The following TNRC6B variants were observed in gnomAD, a reference collection of about 807,000 sequenced individuals.
The protein encoded by TNRC6B is trinucleotide repeat-containing gene 6B protein.
TNRC6B carries 52 observed loss-of-function variants against 203.6 expected under a neutral mutation model. That is an observed-to-expected ratio of 0.26 (90% CI 0.20 to 0.32). TNRC6B has a LOEUF of 0.32. TNRC6B is among the 10% of genes least tolerant of loss of function. The pLI is 1.00. For synonymous variants in TNRC6B, 838 were observed against 845.7 expected, an observed-to-expected ratio of 0.99 and a Z score of 0.16; for missense variants, 1,923 against 2,286.2, an observed-to-expected ratio of 0.84 and a Z score of 3.24.
At position 40,291,508 on chromosome 22, in the gene TNRC6B, A is replaced by T. The variant is rs1368913020; in HGVS notation, c.3708+5738A>T. On this transcript the variant is annotated intron_variant, in intron 12 of 22. Coordinates refer to ENST00000454349, the MANE Select transcript of TNRC6B (RefSeq NM_001162501.2). The stretch of plus-strand genomic sequence containing the variant: ...ATTTTTACTAATTCCCTATTCAGAC[A>T]CTATTCATATACAGGGATGCTTTTC... Among the ~76,000 whole-genome samples, 3 of 152,214 alleles carry T rather than the reference A, an allele frequency of 2.0e-5. No homozygotes were observed. The East Asian group carries it at 5.8e-4, about 29-fold the overall frequency.
intron 1 of TNRC6B, among the ~76,000 whole-genome samples, chr22:40,092,567 G>A (rs2068158757): frequency 6.6e-6 from 1 of 152,114 alleles, no homozygotes; most frequent in South Asian, 2.1e-4. Flanking sequence ...GAAGTACAGT[G>A]GTGAAATCAT....
Position 40,246,060 on chromosome 22 carries a change from A to G in TNRC6B, c.51A>G (p.Lys17=). ...AAGAACAGTTAATGGAAGACAAGAA[A>G]AGGAAGAAAGAGGATAAAAAGAAAA... ...EREEQLMEDK[K]RKKEDKKKKE... Residue 17 remains lysine (K), a synonymous_variant, in exon 2 of 23, where the codon AAA becomes AAG. Coordinates refer to ENST00000454349, the MANE Select transcript of TNRC6B (RefSeq NM_001162501.2). 1 of 1,550,176 alleles carries G rather than the reference A, an allele frequency of 6.5e-7. No individual in the cohort carries two copies. Among genetic ancestry groups the G allele is most frequent in the Non-Finnish European group, 8.7e-7 (1 of 1,146,356 alleles).
In TNRC6B at chr22:40,261,799, T is replaced by A. The variant is rs780698709; in HGVS notation, c.116-33T>A. On this transcript the variant is annotated intron_variant, in intron 3 of 22. Transcript: ENST00000454349. Reference sequence around the variant, plus strand: ...TTTAGAAAAAATGTATTTGATGTATTTCAAAGACTGTTTCCCAACCCCTCT... The same window carrying A: ...TTTAGAAAAAATGTATTTGATGTATATCAAAGACTGTTTCCCAACCCCTCT... 2.6e-5 allele frequency: 38 copies of A among 1,460,926 alleles called. 1 individual carries two copies. The highest frequency in any genetic ancestry group is 1.5e-4 in the Admixed American group (7 of 46,008). 90.5% of individuals were successfully genotyped at this position (1,460,926 alleles called of 1,614,324 possible).
intron 4 of TNRC6B, among the ~76,000 whole-genome samples, chr22:40,170,449 T>A (rs12628054): frequency 1.1e-3 from 15 of 13,960 alleles, no homozygotes; most frequent in Admixed American, 1.7e-3. Flanking sequence ...TATATATATA[T>A]TATATATATA....
At position 40,250,797 on chromosome 22, in the gene TNRC6B, A is replaced by G. The variant is rs114008765; in HGVS notation, c.94-382A>G. ...GATTTCAGATCAAGTGTTTGTGTCT[A>G]TACTCATAGGGGAATCTTTTTGTGT... is the stretch of plus-strand genomic sequence containing the variant. On this transcript the variant is annotated intron_variant, in intron 2 of 22. Coordinates refer to ENST00000454349, the MANE Select transcript of TNRC6B (RefSeq NM_001162501.2). 8.1e-3 allele frequency among the ~76,000 whole-genome samples: 1,226 copies of G among 152,232 alleles called. 12 individuals are homozygous for G. The highest frequency in any genetic ancestry group is 0.027 in the African/African-American group (1,128 of 41,544).
chr22:40,192,024 C>T (rs2069281452), intron 1 of TNRC6B, among the ~76,000 whole-genome samples: 1 of 152,164 alleles, frequency 6.6e-6, no homozygotes, highest in African/African-American at 2.4e-5. Flanking sequence ...CCACCGCGCC[C>T]AGCCTATTTT....
intron 4 of TNRC6B, chr22:40,156,301 C>A (rs1455023610): frequency 7.2e-6 from 7 of 971,310 alleles, no homozygotes; most frequent in Non-Finnish European, 1.1e-5. Context: ...GGGAACTCAC[C>A]AGTTGCTTTG....
At chr22:40,187,135 G>T (rs1006804103) in intron 1 of TNRC6B, among the ~76,000 whole-genome samples, 2 of 152,176 alleles carry the variant, frequency 1.3e-5, no homozygotes, top group African/African-American at 4.8e-5. Context: ...CATTGCAAGT[G>T]CACAGTAGCC....
At chr22:40,181,808 G>A (rs569671023) in intron 1 of TNRC6B, among the ~76,000 whole-genome samples, 1 of 152,262 alleles carries the variant, frequency 6.6e-6, no homozygotes, top group South Asian at 2.1e-4. Flanking sequence ...GCTGGGCATG[G>A]TGGCTCACGC....
At chr22:40,278,456 G>C (rs1026708190) in intron 9 of TNRC6B, among the ~76,000 whole-genome samples, 8 of 151,758 alleles carry the variant, frequency 5.3e-5, no homozygotes, top group Admixed American at 2.6e-4. Flanking sequence ...AACTCTGGAG[G>C]CTGAGGCAGG....
At chr22:40,183,839 C>T (rs1003732038) in intron 1 of TNRC6B, among the ~76,000 whole-genome samples, 4 of 151,956 alleles carry the variant, frequency 2.6e-5, no homozygotes, top group South Asian at 2.1e-4. Context: ...GGATTACAGG[C>T]GCCTGCCACT....
intron 21 of TNRC6B, among the ~76,000 whole-genome samples, chr22:40,318,572 G>A (rs1175268062): frequency 2.0e-5 from 3 of 151,738 alleles, no homozygotes; most frequent in East Asian, 3.9e-4. Context: ...TTTTTTTTAA[G>A]TTCCAAGTTA....
In TNRC6B at chr22:40,331,671, C is replaced by CAAA. The variant is rs776164567; in HGVS notation, c.*8438_*8440dup. The CAAA allele has an allele frequency of 5.6e-3, 629 of 111,692 alleles. 8 individuals carry two copies. Among genetic ancestry groups the CAAA allele is most frequent in the African/African-American group, 0.036 (575 of 16,196 alleles). 6.9% of individuals were successfully genotyped at this position (111,692 alleles called of 1,614,324 possible). ...TTTTTTTTTTTTTTTTTTTTTTTTT[C>CAAA]AAAAAAAAAAGTCCCACATGTGGTC... On this transcript the variant is annotated 3_prime_UTR_variant, in exon 23 of 23. Transcript: ENST00000454349.
chr22:40,137,696 T>C (rs535086311), intron 3 of TNRC6B, among the ~76,000 whole-genome samples: 5 of 152,010 alleles, frequency 3.3e-5, no homozygotes, highest in African/African-American at 1.2e-4. Flanking sequence ...TTTAGAAAGA[T>C]GGACCTGCCG....
intron 3 of TNRC6B, among the ~76,000 whole-genome samples, chr22:40,131,676 A>G (rs6001790): frequency 8.5e-5 from 13 of 152,336 alleles, no homozygotes; most frequent in African/African-American, 3.1e-4. Flanking sequence ...CCAACCACTT[A>G]AAGTGGAGGC....
chr22:40,214,259 T>C (rs1200948711), intron 1 of TNRC6B, among the ~76,000 whole-genome samples: 1 of 151,526 alleles, frequency 6.6e-6, no homozygotes, highest in African/African-American at 2.4e-5. Context: ...AGAGGGAGAC[T>C]CCATCTCAAA....
intron 1 of TNRC6B, among the ~76,000 whole-genome samples, chr22:40,196,356 A>T (rs1411188459): frequency 6.6e-6 from 1 of 151,270 alleles, no homozygotes; most frequent in African/African-American, 2.4e-5. Flanking sequence ...ATTTTTAATA[A>T]TGTGATCTTC....
intron 4 of TNRC6B, among the ~76,000 whole-genome samples, chr22:40,165,564 G>A (rs1314389607): frequency 6.6e-6 from 1 of 152,160 alleles, no homozygotes; most frequent in South Asian, 2.1e-4. Context: ...CTATAGGCCA[G>A]TGTATTAGTC....
At position 40,277,167 on chromosome 22, in the gene TNRC6B, T is replaced by A; in HGVS notation, c.3216+16T>A. On this transcript the variant is annotated intron_variant, in intron 8 of 22. Transcript: ENST00000454349. The stretch of plus-strand genomic sequence containing the variant: ...GGGATTGCTGGTAAGTTTTATTTTT[T>A]TCAAATGTATAACGTATCCCAACTT... 1 of 1,594,666 alleles carries A rather than the reference T, an allele frequency of 6.3e-7. No homozygotes were observed. The highest frequency in any genetic ancestry group is 8.5e-7 in the Non-Finnish European group (1 of 1,169,658).
Sources: allele counts gnomAD v4.1 joint callset (sites outside exome capture counted in the v4.1 genomes callset), GRCh38; gene constraint gnomAD v4.1.1; transcripts MANE v1.5; gene names NCBI Gene and HGNC (gene_info 2026-07-23, HGNC 2026-07-21).